CHRM3: variants seen among roughly 807,000 people sequenced by gnomAD.
CHRM3 encodes muscarinic acetylcholine receptor M3.
CHRM3 carries 11 observed loss-of-function variants against 41.8 expected under a neutral mutation model. The ratio of observed to expected loss-of-function variants is 0.26; its 90% CI spans 0.17 to 0.44. The LOEUF is 0.44. Among genes scored for constraint, CHRM3 ranks in the 20% least tolerant of loss-of-function variants. The probability of loss-of-function intolerance (pLI) is 1.00; values close to 1 mark genes in which losing one functional copy is unlikely to be tolerated. For synonymous variants in CHRM3, 297 were observed against 301.4 expected (o/e 0.99, Z 0.15); for missense variants, 571 against 745.4 (o/e 0.77, Z 2.72).
chr1:239,834,823 A>T (rs1319071577), intron 6 of CHRM3, among the ~76,000 whole-genome samples: 1 of 152,080 alleles, frequency 6.6e-6, no homozygotes, highest in African/African-American at 2.4e-5. Flanking sequence ...CTAGTACCAC[A>T]CTCAATGTAA....
chr1:239,655,422 G>C (rs1573152931), intron 4 of CHRM3, among the ~76,000 whole-genome samples: 1 of 152,316 alleles, frequency 6.6e-6, no homozygotes, highest in South Asian at 2.1e-4. Flanking sequence ...CTCCTGGACT[G>C]TTGGCAGAGT....
intron 2 of CHRM3, among the ~76,000 whole-genome samples, chr1:239,506,888 G>A (rs1357766835): frequency 2.0e-5 from 3 of 152,148 alleles, no homozygotes. Flanking sequence ...GTCAAAGGAG[G>A]TCATTTTGGA....
intron 3 of CHRM3, among the ~76,000 whole-genome samples, chr1:239,592,260 G>A (rs1271726685): frequency 1.3e-5 from 2 of 152,184 alleles, no homozygotes; most frequent in Non-Finnish European, 2.9e-5. Flanking sequence ...CTTCATTGCA[G>A]TGAAGAGGTT....
intron 1 of CHRM3, among the ~76,000 whole-genome samples, chr1:239,436,361 A>T (rs1359204166): frequency 6.6e-6 from 1 of 152,144 alleles, no homozygotes; most frequent in Non-Finnish European, 1.5e-5. Flanking sequence ...CGCAGAGCAG[A>T]GGCTGCAGGG....
intron 6 of CHRM3, among the ~76,000 whole-genome samples, chr1:239,844,970 C>G (rs571707435): frequency 6.6e-6 from 1 of 152,264 alleles, no homozygotes; most frequent in Admixed American, 6.5e-5. Flanking sequence ...AAAAAGATGT[C>G]TTAATTTTTT....
intron 3 of CHRM3, among the ~76,000 whole-genome samples, chr1:239,548,394 G>A (rs1659494445): frequency 6.6e-6 from 1 of 152,116 alleles, no homozygotes; most frequent in Admixed American, 6.5e-5. Context: ...ACAGCGTTTG[G>A]TTTGTCCAAC....
At chr1:239,491,759 C>CA (rs1191679082) in intron 1 of CHRM3, among the ~76,000 whole-genome samples, 8 of 152,264 alleles carry the variant, frequency 5.3e-5, no homozygotes, top group Non-Finnish European at 1.0e-4. Context: ...GAGAAAACTC[C>CA]ATGCTGTTTT....
intron 5 of CHRM3, among the ~76,000 whole-genome samples, chr1:239,728,307 C>A (rs1250892407): frequency 1.3e-5 from 2 of 151,898 alleles, no homozygotes; most frequent in Non-Finnish European, 2.9e-5. Flanking sequence ...CAGAATGAGA[C>A]CTTAGGAGTT....
intron 5 of CHRM3, among the ~76,000 whole-genome samples, chr1:239,795,079 A>G (rs1408751373): frequency 6.6e-6 from 1 of 152,208 alleles, no homozygotes; most frequent in African/African-American, 2.4e-5. Flanking sequence ...AGAGGACAGA[A>G]TTATCCTTAA....
chr1:239,731,188 A>C (rs1280177957), intron 5 of CHRM3, among the ~76,000 whole-genome samples: 1 of 151,922 alleles, frequency 6.6e-6, no homozygotes, highest in African/African-American at 2.4e-5. Flanking sequence ...GATAGCCAGT[A>C]GACAGTTGAA....
intron 3 of CHRM3, among the ~76,000 whole-genome samples, chr1:239,555,558 C>T (rs1400910345): frequency 6.6e-6 from 1 of 152,160 alleles, no homozygotes; most frequent in Non-Finnish European, 1.5e-5. Flanking sequence ...TGTCAGTTTA[C>T]CGTTGCCACG....
chr1:239,617,943 T>C (rs1237962629), intron 3 of CHRM3, among the ~76,000 whole-genome samples: 2 of 152,130 alleles, frequency 1.3e-5, no homozygotes, highest in Non-Finnish European at 2.9e-5. Context: ...AGCCCTTTTT[T>C]ATTGTTTCCT....
At chr1:239,842,697 T>C (rs1361522243) in intron 6 of CHRM3, among the ~76,000 whole-genome samples, 1 of 152,142 alleles carries the variant, frequency 6.6e-6, no homozygotes, top group African/African-American at 2.4e-5. Flanking sequence ...ATCTCCAAGT[T>C]AGAAGGATCA....
chr1:239,631,904 A>G (rs1252537878), intron 3 of CHRM3, among the ~76,000 whole-genome samples: 17 of 152,176 alleles, frequency 1.1e-4, no homozygotes, highest in Admixed American at 1.0e-3. Flanking sequence ...CAACTTCTTT[A>G]TTTTTATTCT....
rs1187867233 is a variant in CHRM3 at position 239,753,575 on chromosome 1, C to A, written c.-146-73677C>A. On this transcript the variant is annotated intron_variant, in intron 5 of 6. Coordinates refer to ENST00000676153, the MANE Select transcript of CHRM3 (RefSeq NM_001375978.1). Reference sequence around the variant, plus strand: ...ACAAGAACAGGAAGGGAGAAATCCACCCCCATGATTCAATCACCTCCCACC... The same window carrying A: ...ACAAGAACAGGAAGGGAGAAATCCAACCCCATGATTCAATCACCTCCCACC... Among the ~76,000 whole-genome samples the A allele has an allele frequency of 3.9e-5, 6 of 152,142 alleles. 1 individual carries two copies. Among genetic ancestry groups the A allele is most frequent in the Admixed American group, 2.0e-4 (3 of 15,264 alleles).
chr1:239,521,837 C>T (rs751051270), intron 2 of CHRM3, among the ~76,000 whole-genome samples: 3 of 151,908 alleles, frequency 2.0e-5, no homozygotes, highest in East Asian at 1.9e-4. Flanking sequence ...TTTAAATGGC[C>T]GTTACATTGT....
intron 1 of CHRM3, among the ~76,000 whole-genome samples, chr1:239,426,139 C>T (rs1232483265): frequency 1.8e-4 from 4 of 22,034 alleles, no homozygotes; most frequent in Non-Finnish European, 4.7e-4. Flanking sequence ...TCCCTCCCCC[C>T]TCCCCCCTCC....
chr1:239,394,395 C>T (rs536667849), intron 1 of CHRM3, among the ~76,000 whole-genome samples: 1 of 152,258 alleles, frequency 6.6e-6, no homozygotes, highest in African/African-American at 2.4e-5. Context: ...CTGTATATGC[C>T]TGTCTTATAA....
intron 3 of CHRM3, among the ~76,000 whole-genome samples, chr1:239,627,010 T>A (rs1669034950): frequency 3.1e-5 from 4 of 130,946 alleles, no homozygotes; most frequent in African/African-American, 1.1e-4. Context: ...TGTAGATGTC[T>A]ATTAGGTCTG....
Sources: gnomAD v4.1 joint callset for allele counts (sites outside exome capture counted in the v4.1 genomes callset) on GRCh38, gnomAD v4.1.1 for gene constraint, MANE v1.5 for transcripts, NCBI Gene and HGNC (gene_info 2026-07-23, HGNC 2026-07-21) for gene names.